ZNF251: variants seen among roughly 807,000 people sequenced by gnomAD.
ZNF251 encodes zinc finger protein 251.
A neutral mutation model predicts 13.5 loss-of-function variants in ZNF251; 14 were observed. The ratio of observed to expected loss-of-function variants is 1.04; its 90% CI spans 0.69 to 1.63. The LOEUF is 1.63. Among genes scored for constraint, ZNF251 ranks in the 40% most tolerant of loss-of-function variants. ZNF251 has a pLI of 0.00. For missense variants in ZNF251, 764 were observed against 834.9 expected (o/e 0.92, Z 1.05); for synonymous variants, 287 against 295.2 (o/e 0.97, Z 0.28).
chr8:144,729,305 A>G (rs1241505877), intron 4 of ZNF251, among the ~76,000 whole-genome samples: 1 of 151,300 alleles, frequency 6.6e-6, no homozygotes, highest in Non-Finnish European at 1.5e-5. Context: ...TTTAGCAAGC[A>G]TATAAGATTC....
chr8:144,754,022 G>A (rs1286384860), intron 3 of ZNF251, among the ~76,000 whole-genome samples, 170 bp downstream of exon 3: 2 of 152,162 alleles, frequency 1.3e-5, no homozygotes, highest in African/African-American at 4.8e-5. Flanking sequence ...CCCTAGAACT[G>A]GGGAGCAAGG....
At chr8:144,741,464 T>C (rs1349906954) in intron 4 of ZNF251, among the ~76,000 whole-genome samples, 2 of 152,104 alleles carry the variant, frequency 1.3e-5, no homozygotes, top group African/African-American at 4.8e-5. Context: ...CACTCCAAAA[T>C]TAACAAACAC....
intron 4 of ZNF251, among the ~76,000 whole-genome samples, chr8:144,732,772 A>C (rs1301361749): frequency 8.8e-5 from 13 of 148,336 alleles, no homozygotes; most frequent in South Asian, 6.5e-4. Context: ...AGATCGCACC[A>C]CTGCACTCCA....
At chr8:144,741,046 G>A (rs938260899) in intron 4 of ZNF251, among the ~76,000 whole-genome samples, 1 of 152,212 alleles carries the variant, frequency 6.6e-6, no homozygotes, top group African/African-American at 2.4e-5. Context: ...TGAGTTCCTC[G>A]AAGTGCTGCC....
rs142480436 is a variant in ZNF251 at position 144,735,030 on chromosome 8, C to T, written c.278-11648G>A. Among the ~76,000 whole-genome samples, 781 of 151,430 alleles carry T rather than the reference C, an allele frequency of 5.2e-3. 8 individuals are homozygous for T. Among genetic ancestry groups the T allele is most frequent in the African/African-American group, 0.018 (753 of 41,238 alleles). Reference sequence around the variant, plus strand: ...CAGAGGTTGCAGTGAGCCAAGATCGCACCACTGCACTCCAGCCAGGGGACA... The same window carrying T: ...CAGAGGTTGCAGTGAGCCAAGATCGTACCACTGCACTCCAGCCAGGGGACA... On this transcript the variant is annotated intron_variant, in intron 4 of 4. Transcript: ENST00000292562.
At position 144,755,432 on chromosome 8, in the gene ZNF251, G is replaced by A. The variant is rs1563775168; in HGVS notation, c.-103C>T. 5.4e-6 allele frequency: 7 copies of A among 1,288,094 alleles called. No homozygotes were observed. The highest frequency in any genetic ancestry group is 6.1e-6 in the Non-Finnish European group (6 of 988,826). The allele number at this position is 1,288,094 out of a possible 1,614,324, so 79.8% of individuals were successfully genotyped here. The stretch of plus-strand genomic sequence containing the variant: ...GTTTGCTCGACCCGGGGAAGCCACC[G>A]AGGAAGCGCCGAGGAGCTGCGCAGT... On this transcript the variant is annotated 5_prime_UTR_variant, in exon 1 of 5. Coordinates refer to ENST00000292562, the MANE Select transcript of ZNF251 (RefSeq NM_138367.2).
chr8:144,751,744 C>T (rs1390565463), intron 4 of ZNF251, among the ~76,000 whole-genome samples: 1 of 152,034 alleles, frequency 6.6e-6, no homozygotes, highest in African/African-American at 2.4e-5. Context: ...CATTAACAGA[C>T]TAAACACTAC....
intron 4 of ZNF251, among the ~76,000 whole-genome samples, chr8:144,733,636 C>T (rs1033872263): frequency 4.6e-5 from 7 of 152,148 alleles, no homozygotes; most frequent in African/African-American, 1.4e-4. Context: ...CCCTCTTCTC[C>T]ATCTGGGCTT....
intron 4 of ZNF251, among the ~76,000 whole-genome samples, chr8:144,724,186 C>T (rs1488034202): frequency 2.1e-5 from 3 of 144,180 alleles, no homozygotes; most frequent in Admixed American, 7.4e-5. Flanking sequence ...GGAGCGAACC[C>T]GGGAGGCAGA....
chr8:144,740,967 C>G (rs1381246103), intron 4 of ZNF251, among the ~76,000 whole-genome samples: 1 of 151,904 alleles, frequency 6.6e-6, no homozygotes. Context: ...AAAAAAACCC[C>G]CAAAAATAAA....
chr8:144,755,192 C>T, intron 1 of ZNF251: 1 of 1,170,082 alleles, frequency 8.5e-7, no homozygotes, highest in Non-Finnish European at 1.1e-6. Context: ...CCCCAGGCTC[C>T]GGGGAGAGGC....
intron 4 of ZNF251, among the ~76,000 whole-genome samples, chr8:144,724,652 T>C (rs1435720922): frequency 6.6e-6 from 1 of 152,160 alleles, no homozygotes; most frequent in Non-Finnish European, 1.5e-5. Flanking sequence ...ATTTTGTAAT[T>C]GGGGGGAAAC....
chr8:144,738,414 C>T, intron 4 of ZNF251: 1 of 283,532 alleles, frequency 3.5e-6, no homozygotes, highest in Non-Finnish European at 5.3e-6. Flanking sequence ...CACCATGCCA[C>T]AGCTCAGGAC....
chr8:144,746,880 A>C (rs538609946), intron 4 of ZNF251, among the ~76,000 whole-genome samples: 1 of 152,146 alleles, frequency 6.6e-6, no homozygotes, highest in African/African-American at 2.4e-5. Flanking sequence ...AGTCTGGCTA[A>C]AGGTTTACTG....
chr8:144,723,540 C>G (rs1007441128), intron 4 of ZNF251, among the ~76,000 whole-genome samples, 158 bp from the exon 5 acceptor site: 3 of 152,222 alleles, frequency 2.0e-5, no homozygotes, highest in African/African-American at 7.2e-5. Flanking sequence ...GATGGGATGG[C>G]CAATCAACAG....
At chr8:144,748,080 C>CT (rs371744692) in intron 4 of ZNF251, among the ~76,000 whole-genome samples, 1,562 of 145,246 alleles carry the variant, frequency 0.011, 26 homozygotes, top group African/African-American at 0.033. Flanking sequence ...GACAACCTCA[C>CT]TTTTTTTTTT....
chr8:144,737,527 AAAC>A (rs1255463075), intron 4 of ZNF251, among the ~76,000 whole-genome samples: 183 of 150,822 alleles, frequency 1.2e-3, no homozygotes, highest in African/African-American at 4.1e-3. Context: ...ACAAACAAAC[AAAC>A]AAAAAACCAG....
intron 3 of ZNF251, 103 bp downstream of exon 3, chr8:144,754,089 C>T (rs1369634026): frequency 1.4e-6 from 2 of 1,460,904 alleles, no homozygotes; most frequent in Non-Finnish European, 1.8e-6. Flanking sequence ...TACCCGGGGA[C>T]AAGGGGCAGG....
intron 4 of ZNF251, among the ~76,000 whole-genome samples, chr8:144,729,025 T>C (rs1008334374): frequency 1.4e-5 from 2 of 148,078 alleles, no homozygotes; most frequent in African/African-American, 5.0e-5. Context: ...GAGGCGGAGG[T>C]TGCAGTGAGC....
Sources: gnomAD v4.1 joint callset for allele counts (sites outside exome capture counted in the v4.1 genomes callset) on GRCh38, gnomAD v4.1.1 for gene constraint, MANE v1.5 for transcripts, NCBI Gene and HGNC (gene_info 2026-07-23, HGNC 2026-07-21) for gene names.